Variants in CNTN1 observed in about 807,000 individuals in gnomAD.
CNTN1 encodes contactin 1, also known as contactin-1.
Under a neutral mutation model 126.4 loss-of-function variants are expected in CNTN1, and 38 were observed. The ratio of observed to expected loss-of-function variants is 0.30; its 90% confidence interval spans 0.23 to 0.39. The LOEUF (loss-of-function observed/expected upper bound fraction) is 0.39. CNTN1 is among the 10% of genes least tolerant of loss of function. CNTN1 has a pLI of 1.00. For synonymous variants in CNTN1, 413 were observed against 422.6 expected, an observed-to-expected ratio of 0.98 and a Z score of 0.28; for missense variants, 1,009 against 1,248.4, an observed-to-expected ratio of 0.81 and a Z score of 2.89.
chr12:41,018,664 T>C (rs1948836566), intron 19 of CNTN1, among the ~76,000 whole-genome samples: 1 of 149,580 alleles, frequency 6.7e-6, no homozygotes, highest in Non-Finnish European at 1.5e-5. Context: ...CTATATTTTT[T>C]ACTGCATACA....
At chr12:40,951,714 T>A (rs376146888) in intron 14 of CNTN1, among the ~76,000 whole-genome samples, 7 of 79,644 alleles carry the variant, frequency 8.8e-5, no homozygotes, top group East Asian at 4.1e-4. Flanking sequence ...GTCTCAAAAT[T>A]TAAAAAAAAA....
At chr12:41,002,558 C>CTT (rs1360030646) in intron 17 of CNTN1, among the ~76,000 whole-genome samples, 4,418 of 134,496 alleles carry the variant, frequency 0.033, 288 homozygotes, top group African/African-American at 0.11. Context: ...GGGTTTCTTT[C>CTT]TTTTTTTTTT....
chr12:40,764,647 C>G (rs527648959), intron 1 of CNTN1, among the ~76,000 whole-genome samples: 3 of 152,164 alleles, frequency 2.0e-5, no homozygotes, highest in Admixed American at 6.5e-5. Context: ...AAGCAATGGT[C>G]TGAGAAAAGT....
chr12:40,843,168 G>A (rs1942356135), intron 1 of CNTN1, among the ~76,000 whole-genome samples: 1 of 152,040 alleles, frequency 6.6e-6, no homozygotes, highest in Non-Finnish European at 1.5e-5. Flanking sequence ...TTCATATCTT[G>A]CAGCACTTCC....
chr12:41,004,897 G>T (rs904094992), intron 17 of CNTN1: 1 of 152,168 alleles, frequency 6.6e-6, no homozygotes, highest in Non-Finnish European at 1.5e-5. Flanking sequence ...TTGCCACTTT[G>T]TGTGTTTTAA....
In CNTN1 at chr12:41,027,974, A is replaced by G. The variant is rs148453314; in HGVS notation, c.2823+5A>G. 251 of 1,525,458 alleles carry G rather than the reference A, an allele frequency of 1.6e-4. 1 individual carries two copies. The African/African-American group carries it at 2.6e-3, about 16-fold the overall frequency. 94.5% of individuals were successfully genotyped at this position (1,525,458 alleles called of 1,614,324 possible). On this transcript the variant is annotated splice_donor_5th_base_variant and intron_variant, in intron 22 of 23. Coordinates refer to ENST00000551295, the MANE Select transcript of CNTN1 (RefSeq NM_001843.4). ...TCTACAGTGACGGGATATAAGGTATATACAAATAGTGATGATTAATGTTTG... is the reference window on the plus strand; with the variant it reads ...TCTACAGTGACGGGATATAAGGTATGTACAAATAGTGATGATTAATGTTTG...
intron 1 of CNTN1, among the ~76,000 whole-genome samples, chr12:40,857,598 G>A (rs1942958093): frequency 6.6e-6 from 1 of 152,140 alleles, no homozygotes; most frequent in Admixed American, 6.6e-5. Flanking sequence ...GAGAAATGAA[G>A]TTGCTTCCCG....
At chr12:40,840,584 A>G (rs1422991584) in intron 1 of CNTN1, among the ~76,000 whole-genome samples, 1 of 151,978 alleles carries the variant, frequency 6.6e-6, no homozygotes, top group Non-Finnish European at 1.5e-5. Flanking sequence ...GATAGATCAT[A>G]TGTGAGACAG....
intron 1 of CNTN1, among the ~76,000 whole-genome samples, chr12:40,738,469 T>G (rs769567475): frequency 3.9e-5 from 6 of 152,004 alleles, no homozygotes. Context: ...CTTAAACAAA[T>G]TACAGAAAGC....
chr12:40,856,927 T>C (rs554742146), intron 1 of CNTN1, among the ~76,000 whole-genome samples: 1 of 145,134 alleles, frequency 6.9e-6, no homozygotes, highest in South Asian at 2.1e-4. Flanking sequence ...TCTGGAACAT[T>C]CTAGACTCTC....
intron 1 of CNTN1, among the ~76,000 whole-genome samples, chr12:40,774,934 T>C (rs1469172276): frequency 1.3e-5 from 2 of 151,696 alleles, no homozygotes; most frequent in Non-Finnish European, 3.0e-5. Flanking sequence ...GTATACAATA[T>C]GTAATGATTA....
At chr12:40,706,731 T>A (rs1307931129) in intron 1 of CNTN1, among the ~76,000 whole-genome samples, 1 of 152,212 alleles carries the variant, frequency 6.6e-6, no homozygotes, top group East Asian at 1.9e-4. Context: ...CCACACTACT[T>A]CTTCCATATT....
At chr12:40,883,646 T>C (rs1356745057) in intron 1 of CNTN1, among the ~76,000 whole-genome samples, 4 of 151,568 alleles carry the variant, frequency 2.6e-5, no homozygotes, top group Non-Finnish European at 5.9e-5. Flanking sequence ...CAGAGCTGTC[T>C]TCCATCCTGT....
At chr12:40,932,420 T>G (rs993783729) in intron 7 of CNTN1, among the ~76,000 whole-genome samples, 3 of 152,028 alleles carry the variant, frequency 2.0e-5, no homozygotes, top group African/African-American at 7.2e-5. Flanking sequence ...TGCAGAACTG[T>G]GAGTCAATTA....
chr12:40,933,890 AT>A lies in CNTN1; in HGVS notation c.985+16del, dbSNP rs779596784. On this transcript the variant is annotated intron_variant, in intron 9 of 23. Coordinates refer to ENST00000551295, the MANE Select transcript of CNTN1 (RefSeq NM_001843.4). Reference sequence around the variant, plus strand: ...AATTTATGTTCAAGGTAGATACATTATTTTAATTTTGTATAAATTTCATCAG... The same window carrying A: ...AATTTATGTTCAAGGTAGATACATTATTTAATTTTGTATAAATTTCATCAG... 1 of 1,599,880 alleles carries A rather than the reference AT, an allele frequency of 6.3e-7. No homozygotes were observed. Among genetic ancestry groups the A allele is most frequent in the Non-Finnish European group, 8.6e-7 (1 of 1,168,230 alleles).
intron 1 of CNTN1, among the ~76,000 whole-genome samples, chr12:40,866,382 T>C (rs1005155093): frequency 6.6e-6 from 1 of 152,186 alleles, no homozygotes; most frequent in South Asian, 2.1e-4. Flanking sequence ...ATCTTTGTCT[T>C]ATTCCTGATC....
At chr12:40,721,887 T>A (rs1942226839) in intron 1 of CNTN1, among the ~76,000 whole-genome samples, 1 of 151,282 alleles carries the variant, frequency 6.6e-6, no homozygotes, top group Admixed American at 6.6e-5. Flanking sequence ...GAACTCATCA[T>A]TTTTTATGGC....
At chr12:40,695,512 G>T (rs1196573827) in intron 1 of CNTN1, among the ~76,000 whole-genome samples, 1 of 151,914 alleles carries the variant, frequency 6.6e-6, no homozygotes, top group African/African-American at 2.4e-5. Context: ...TCCTGTAATT[G>T]CCTTATTTCA....
chr12:40,894,453 A>G (rs570829099), intron 1 of CNTN1, among the ~76,000 whole-genome samples: 1 of 152,318 alleles, frequency 6.6e-6, no homozygotes, highest in African/African-American at 2.4e-5. Flanking sequence ...CAGTAACGCA[A>G]AATGTTAATG....
Sources: allele counts gnomAD v4.1 joint callset (sites outside exome capture counted in the v4.1 genomes callset), GRCh38; gene constraint gnomAD v4.1.1; transcripts MANE v1.5; gene names NCBI Gene and HGNC (gene_info 2026-07-23, HGNC 2026-07-21).